Variants in TAFA2 observed in about 807,000 individuals in gnomAD.
TAFA2 encodes chemokine-like protein TAFA-2.
TAFA2 carries 7 observed loss-of-function variants against 18.8 expected under a neutral mutation model. The observed-to-expected ratio is 0.37, with a 90% CI of 0.21 to 0.70. The LOEUF is 0.70. TAFA2 is among the 30% of genes least tolerant of loss of function. The probability of loss-of-function intolerance (pLI) is 0.53; values close to 1 mark genes in which losing one functional copy is unlikely to be tolerated. For missense variants in TAFA2, 122 were observed against 158.1 expected (o/e 0.77, Z 1.23); for synonymous variants, 60 against 54.2 (o/e 1.11, Z -0.47).
chr12:61,766,738 A>G (rs1197453686), intron 2 of TAFA2, among the ~76,000 whole-genome samples: 1 of 152,174 alleles, frequency 6.6e-6, no homozygotes, highest in East Asian at 1.9e-4. Context: ...ATGGTTTACT[A>G]CAAGGGTTCT....
chr12:62,206,199 G>C (rs893801359), intron 1 of TAFA2, among the ~76,000 whole-genome samples: 1 of 152,060 alleles, frequency 6.6e-6, no homozygotes, highest in African/African-American at 2.4e-5. Context: ...TATTTTATCA[G>C]CCAACCAGCC....
rs112951219 is a variant in TAFA2 at position 61,910,011 on chromosome 12, C to T, written c.-1-42585G>A. 6.5e-3 allele frequency among the ~76,000 whole-genome samples: 985 copies of T among 152,072 alleles called. 16 individuals carry two copies. The highest frequency in any genetic ancestry group is 0.023 in the African/African-American group (938 of 41,488). On this transcript the variant is annotated intron_variant, in intron 1 of 4. Transcript: ENST00000416284. The stretch of plus-strand genomic sequence containing the variant: ...CAAATCCCTGACTACAAAAATTCAA[C>T]TGTATATGTAACTTTCAATGCAATG...
intron 1 of TAFA2, among the ~76,000 whole-genome samples, chr12:61,906,266 T>G (rs947144733): frequency 3.3e-5 from 5 of 152,144 alleles, no homozygotes; most frequent in Non-Finnish European, 7.3e-5. Context: ...AATCCGCAAA[T>G]GTCATGGGAG....
chr12:62,230,111 A>G (rs973658029), intron 1 of TAFA2, among the ~76,000 whole-genome samples: 20 of 151,368 alleles, frequency 1.3e-4, no homozygotes, highest in Middle Eastern at 3.4e-3. Context: ...ATTTGGGTCT[A>G]ATTTTTTTTC....
intron 2 of TAFA2, among the ~76,000 whole-genome samples, chr12:61,865,077 A>G (rs1874296309): frequency 6.6e-6 from 1 of 152,186 alleles, no homozygotes; most frequent in Non-Finnish European, 1.5e-5. Flanking sequence ...CTTTTCATTT[A>G]TATATAGAAG....
At chr12:61,833,453 T>C (rs560500069) in intron 2 of TAFA2, among the ~76,000 whole-genome samples, 3 of 152,156 alleles carry the variant, frequency 2.0e-5, no homozygotes, top group South Asian at 2.1e-4. Context: ...GTGTAAGAAC[T>C]CTCAGTTCTT....
intron 1 of TAFA2, among the ~76,000 whole-genome samples, chr12:61,983,799 A>G (rs1171515448): frequency 6.6e-6 from 1 of 152,188 alleles, no homozygotes; most frequent in Admixed American, 6.5e-5. Context: ...GATAAAGCTA[A>G]TGGTCTCAAG....
At position 61,709,376 on chromosome 12, in the gene TAFA2, T is replaced by C. The variant is rs765010981; in HGVS notation, c.*1030A>G. 3 of 152,226 alleles carry C rather than the reference T, an allele frequency of 2.0e-5. No individual in the cohort carries two copies. Among genetic ancestry groups the C allele is most frequent in the Non-Finnish European group, 2.9e-5 (2 of 67,974 alleles). 9.4% of individuals were successfully genotyped at this position (152,226 alleles called of 1,614,324 possible). A position where few individuals can be genotyped will look rare whatever the true frequency, so the allele number is the denominator to read the frequency against. On this transcript the variant is annotated 3_prime_UTR_variant, in exon 5 of 5. Transcript: ENST00000416284. ...TCTATCAACAGATTGAACAAATATA[T>C]AAGCATTCAAACAGTCATTGGGATC... is the stretch of plus-strand genomic sequence containing the variant.
intron 1 of TAFA2, among the ~76,000 whole-genome samples, chr12:62,159,932 A>G (rs1016253951): frequency 1.3e-4 from 20 of 152,322 alleles, no homozygotes; most frequent in Middle Eastern, 3.4e-3. Flanking sequence ...TAGACTCCCC[A>G]TGATATGCGT....
At chr12:61,848,719 CAA>C (rs34172882) in intron 2 of TAFA2, among the ~76,000 whole-genome samples, 14 of 126,774 alleles carry the variant, frequency 1.1e-4, no homozygotes, top group African/African-American at 6.5e-5. Flanking sequence ...ACATGGCCAG[CAA>C]AAAAAAAAAA....
intron 4 of TAFA2, among the ~76,000 whole-genome samples, chr12:61,747,358 T>C (rs1868768470): frequency 6.9e-6 from 1 of 144,530 alleles, no homozygotes. Flanking sequence ...AGCTATCCCA[T>C]TACTGGGTAT....
chr12:61,891,274 G>A lies in TAFA2; in HGVS notation c.-1-23848C>T, dbSNP rs1875621409. ...AAGAAAAGCAGCAGCAGAAGCAGAGGCAGCAGAAGCAGGAGAAGCAGAAGC... is the reference window on the plus strand; with the variant it reads ...AAGAAAAGCAGCAGCAGAAGCAGAGACAGCAGAAGCAGGAGAAGCAGAAGC... On this transcript the variant is annotated intron_variant, in intron 1 of 4. Transcript: ENST00000416284. 6.6e-5 allele frequency among the ~76,000 whole-genome samples: 10 copies of A among 152,312 alleles called. No homozygotes were observed. The South Asian group carries it at 2.1e-3, about 32-fold the overall frequency.
At chr12:61,764,866 T>C (rs1330037230) in intron 2 of TAFA2, among the ~76,000 whole-genome samples, 2 of 152,058 alleles carry the variant, frequency 1.3e-5, no homozygotes, top group Non-Finnish European at 2.9e-5. Context: ...CTGCACAGTA[T>C]AATATTCACT....
chr12:61,741,890 C>T (rs1868469991), intron 4 of TAFA2, among the ~76,000 whole-genome samples: 1 of 152,036 alleles, frequency 6.6e-6, no homozygotes, highest in African/African-American at 2.4e-5. Flanking sequence ...GTTAATTCTG[C>T]TAAGGAGATT....
At chr12:61,796,962 C>T (rs894977146) in intron 2 of TAFA2, among the ~76,000 whole-genome samples, 4 of 152,112 alleles carry the variant, frequency 2.6e-5, no homozygotes, top group African/African-American at 9.7e-5. Flanking sequence ...GGTCATACCT[C>T]ATTATACCTC....
chr12:61,757,824 G>C (rs1869347289), intron 2 of TAFA2, among the ~76,000 whole-genome samples: 1 of 152,036 alleles, frequency 6.6e-6, no homozygotes, highest in Non-Finnish European at 1.5e-5. Flanking sequence ...ATTAAAAGAA[G>C]AGAAATAATT....
intron 1 of TAFA2, among the ~76,000 whole-genome samples, chr12:62,113,466 G>A (rs1388168409): frequency 3.3e-5 from 5 of 152,170 alleles, no homozygotes; most frequent in South Asian, 4.1e-4. Context: ...CAGGAGGCAC[G>A]GAGTTCAGGG....
At chr12:62,249,344 GA>G (rs1250449136) in intron 1 of TAFA2, among the ~76,000 whole-genome samples, 1 of 150,654 alleles carries the variant, frequency 6.6e-6, no homozygotes, top group Admixed American at 6.6e-5. Context: ...AGGGCAACTA[GA>G]ATCTGATTTC....
chr12:61,789,301 T>C (rs1870874523), intron 2 of TAFA2, among the ~76,000 whole-genome samples: 1 of 151,976 alleles, frequency 6.6e-6, no homozygotes, highest in Non-Finnish European at 1.5e-5. Context: ...CTTTATTTCA[T>C]CTTGAGTTAA....
Sources: allele counts gnomAD v4.1 joint callset (sites outside exome capture counted in the v4.1 genomes callset), GRCh38; gene constraint gnomAD v4.1.1; transcripts MANE v1.5; gene names NCBI Gene and HGNC (gene_info 2026-07-23, HGNC 2026-07-21).